The following CTDSPL variants were observed in gnomAD, a reference collection of about 807,000 sequenced individuals.
The protein encoded by CTDSPL is CTD small phosphatase like.
CTDSPL carries 8 observed loss-of-function variants against 30.5 expected under a neutral mutation model. The ratio of observed to expected loss-of-function variants is 0.26; its 90% CI spans 0.15 to 0.47. The LOEUF is 0.47. CTDSPL is among the 20% of genes least tolerant of loss of function. The pLI is 0.99. For synonymous variants in CTDSPL, 110 were observed against 137.9 expected (o/e 0.80, Z 1.42); for missense variants, 248 against 366.1 (o/e 0.68, Z 2.63).
intron 1 of CTDSPL, among the ~76,000 whole-genome samples, chr3:37,904,728 A>G (rs1698494269): frequency 6.6e-6 from 1 of 152,196 alleles, no homozygotes; most frequent in African/African-American, 2.4e-5. Flanking sequence ...CCACATGGCC[A>G]GGATATATCT....
chr3:37,881,568 A>G (rs1698204550), intron 1 of CTDSPL, among the ~76,000 whole-genome samples: 1 of 152,196 alleles, frequency 6.6e-6, no homozygotes, highest in South Asian at 2.1e-4. Flanking sequence ...ATAAATTGAT[A>G]CATGTTCAAA....
intron 1 of CTDSPL, among the ~76,000 whole-genome samples, chr3:37,869,399 A>C (rs1031867453): frequency 5.9e-5 from 9 of 151,938 alleles, no homozygotes; most frequent in Admixed American, 5.9e-4. Flanking sequence ...TTTATTTTTT[A>C]TTTTGGTGCC....
chr3:37,947,021 G>A (rs1362122653), intron 1 of CTDSPL, 36 bp from the exon 2 acceptor site: 1 of 1,599,446 alleles, frequency 6.3e-7, no homozygotes, highest in Non-Finnish European at 8.5e-7. Context: ...AGTACATGCT[G>A]CAGTTGGCCA....
At position 37,872,537 on chromosome 3, in the gene CTDSPL, CTCT is replaced by C. The variant is rs1218231745; in HGVS notation, c.79+10261_79+10263del. Among the ~76,000 whole-genome samples, 847 of 93,246 alleles carry C rather than the reference CTCT, an allele frequency of 9.1e-3. 3 individuals are homozygous for C. Among genetic ancestry groups the C allele is most frequent in the African/African-American group, 0.032 (793 of 24,812 alleles). The allele number at this position is 93,246 out of a possible 152,430, so 61.2% of individuals were successfully genotyped here. A position where few individuals can be genotyped will look rare whatever the true frequency, so the allele number is the denominator to read the frequency against. ...TGGATGTCAAGTCTTCCTACTTAGG[CTCT>C]TTTTTTTTTTTTTTTTTTTAAATTC... On this transcript the variant is annotated intron_variant, in intron 1 of 7. Coordinates refer to ENST00000273179, the MANE Select transcript of CTDSPL (RefSeq NM_001008392.2).
At chr3:37,930,617 C>A (rs1359360731) in intron 1 of CTDSPL, among the ~76,000 whole-genome samples, 1 of 152,116 alleles carries the variant, frequency 6.6e-6, no homozygotes, top group Non-Finnish European at 1.5e-5. Context: ...GATAATTAGT[C>A]TCTTCCTAAA....
chr3:37,916,739 G>A (rs920797098), intron 1 of CTDSPL, among the ~76,000 whole-genome samples: 1 of 152,124 alleles, frequency 6.6e-6, no homozygotes, highest in African/African-American at 2.4e-5. Context: ...TATCCTGCTT[G>A]TGGTACTTTG....
chr3:37,961,189 G>C (rs928599526), intron 3 of CTDSPL, among the ~76,000 whole-genome samples: 1 of 152,156 alleles, frequency 6.6e-6, no homozygotes, highest in Non-Finnish European at 1.5e-5. Flanking sequence ...GAGTAATCAT[G>C]TTTTGCACGC....
intron 1 of CTDSPL, among the ~76,000 whole-genome samples, chr3:37,879,960 C>A (rs372372425): frequency 6.6e-6 from 1 of 151,540 alleles, no homozygotes; most frequent in East Asian, 1.9e-4. Context: ...TGAGCACCAC[C>A]GTGCTATTCA....
chr3:37,970,162 A>G (rs1301854321), intron 5 of CTDSPL, among the ~76,000 whole-genome samples: 6 of 151,934 alleles, frequency 3.9e-5, no homozygotes, highest in Non-Finnish European at 7.4e-5. Context: ...CTCGGGTCTC[A>G]CCCTCTACTG....
At chr3:37,935,119 A>G (rs1698900201) in intron 1 of CTDSPL, among the ~76,000 whole-genome samples, 1 of 152,134 alleles carries the variant, frequency 6.6e-6, no homozygotes, top group Non-Finnish European at 1.5e-5. Flanking sequence ...CTATGTGCTG[A>G]TTTTATTAAC....
intron 2 of CTDSPL, among the ~76,000 whole-genome samples, chr3:37,952,532 A>G (rs1189944720): frequency 1.3e-5 from 2 of 152,264 alleles, no homozygotes; most frequent in African/African-American, 4.8e-5. Flanking sequence ...TATGGAAAGT[A>G]AATGCTTTCA....
chr3:37,872,263 C>G (rs1337792419), intron 1 of CTDSPL, among the ~76,000 whole-genome samples: 2 of 152,162 alleles, frequency 1.3e-5, no homozygotes. Flanking sequence ...ATCATGGCTG[C>G]TTTAAAATCT....
At chr3:37,973,393 GC>G (rs1456984039) in intron 6 of CTDSPL, among the ~76,000 whole-genome samples, 2 of 152,250 alleles carry the variant, frequency 1.3e-5, no homozygotes, top group Non-Finnish European at 2.9e-5. Context: ...ATTGTCCCCA[GC>G]ATTTGCTTAA....
At chr3:37,874,384 A>G (rs1489241326) in intron 1 of CTDSPL, among the ~76,000 whole-genome samples, 1 of 152,182 alleles carries the variant, frequency 6.6e-6, no homozygotes, top group Non-Finnish European at 1.5e-5. Context: ...CTGTTCAGCT[A>G]GGAGTTGGCC....
intron 1 of CTDSPL, among the ~76,000 whole-genome samples, chr3:37,881,998 G>A (rs897538715): frequency 3.9e-5 from 6 of 152,168 alleles, no homozygotes; most frequent in African/African-American, 1.4e-4. Flanking sequence ...TTCTCTGTAT[G>A]TTTAATATTT....
intron 1 of CTDSPL, among the ~76,000 whole-genome samples, chr3:37,906,377 C>T (rs1166049286): frequency 6.6e-6 from 1 of 152,174 alleles, no homozygotes; most frequent in Non-Finnish European, 1.5e-5. Context: ...TGTTACTGGT[C>T]CCAGACCACT....
chr3:37,920,015 C>A (rs904286476), intron 1 of CTDSPL, among the ~76,000 whole-genome samples: 3 of 152,026 alleles, frequency 2.0e-5, no homozygotes, highest in Admixed American at 2.0e-4. Context: ...TATAAAAAAC[C>A]ACCACAAACT....
chr3:37,902,379 G>A (rs1470761489), intron 1 of CTDSPL, among the ~76,000 whole-genome samples: 1 of 151,966 alleles, frequency 6.6e-6, no homozygotes, highest in East Asian at 1.9e-4. Context: ...AGCTCCTTGT[G>A]AAGATCTCTA....
intron 1 of CTDSPL, among the ~76,000 whole-genome samples, chr3:37,912,505 A>G (rs1698595170): frequency 6.6e-6 from 1 of 152,180 alleles, no homozygotes; most frequent in Non-Finnish European, 1.5e-5. Flanking sequence ...ACCCCTGTGT[A>G]TTCAGGATGG....
Sources: allele counts gnomAD v4.1 joint callset (sites outside exome capture counted in the v4.1 genomes callset), GRCh38; gene constraint gnomAD v4.1.1; transcripts MANE v1.5; gene names NCBI Gene and HGNC (gene_info 2026-07-23, HGNC 2026-07-21).